The following TRMT11 variants were observed in gnomAD, a reference collection of about 807,000 sequenced individuals.
The protein encoded by TRMT11 is tRNA (guanine(10)-N(2))-methyltransferase TRMT11.
A neutral mutation model predicts 62.8 loss-of-function variants in TRMT11; 53 were observed. The observed-to-expected ratio is 0.84, with a 90% CI of 0.68 to 1.06. The LOEUF (loss-of-function observed/expected upper bound fraction) is 1.06, where lower values mean the gene tolerates loss of function less well. Among genes scored for constraint, TRMT11 ranks in the 50% least tolerant of loss-of-function variants. The probability of loss-of-function intolerance (pLI) is 0.00; values close to 1 mark genes in which losing one functional copy is unlikely to be tolerated. For missense variants in TRMT11, 556 were observed against 553.4 expected, an observed-to-expected ratio of 1.00 and a Z score of -0.05; for synonymous variants, 188 against 190.3, an observed-to-expected ratio of 0.99 and a Z score of 0.10.
At chr6:126,156,433 A>T (rs1778122886) in intron 21 of TRMT11, among the ~76,000 whole-genome samples, 1 of 152,226 alleles carries the variant, frequency 6.6e-6, no homozygotes, top group South Asian at 2.1e-4. Flanking sequence ...ATCCTCTGGA[A>T]TATAGGTGGG....
chr6:126,261,897 G>A, the TRMT11 span, among the ~76,000 whole-genome samples: 1 of 152,186 alleles, frequency 6.6e-6, no homozygotes, highest in Non-Finnish European at 1.5e-5. Flanking sequence ...AGACTGAGCT[G>A]AGCCATGTGT....
intron 1 of TRMT11, among the ~76,000 whole-genome samples, chr6:126,178,516 T>G (rs576859103): frequency 6.6e-6 from 1 of 152,344 alleles, no homozygotes; most frequent in South Asian, 2.1e-4. Flanking sequence ...ACTATATTCT[T>G]CTTCATACAA....
At chr6:126,140,930 A>C (rs185033492) in intron 21 of TRMT11, among the ~76,000 whole-genome samples, 199 of 152,198 alleles carry the variant, frequency 1.3e-3, no homozygotes, top group Non-Finnish European at 4.9e-4. Flanking sequence ...AAATGCTTCG[A>C]ATTTTCTTAA....
intron 16 of TRMT11, among the ~76,000 whole-genome samples, chr6:126,050,510 G>A (rs138897840): frequency 2.8e-4 from 43 of 152,108 alleles, no homozygotes; most frequent in East Asian, 1.6e-3. Context: ...CGAGACCAGC[G>A]TGGGCAACAT....
chr6:126,121,725 G>T (rs536476070), intron 21 of TRMT11, among the ~76,000 whole-genome samples: 1 of 152,204 alleles, frequency 6.6e-6, no homozygotes, highest in African/African-American at 2.4e-5. Context: ...TGAGGACAGA[G>T]AATCCATCAT....
intron 12 of TRMT11, among the ~76,000 whole-genome samples, chr6:126,027,275 T>TA (rs975671949): frequency 2.6e-5 from 4 of 152,282 alleles, no homozygotes; most frequent in African/African-American, 7.2e-5. Flanking sequence ...GTATAATAGT[T>TA]ACGTTTTCAA....
At chr6:126,198,065 T>C (rs1778687709) in intron 1 of TRMT11, among the ~76,000 whole-genome samples, 1 of 152,208 alleles carries the variant, frequency 6.6e-6, no homozygotes, top group African/African-American at 2.4e-5. Flanking sequence ...TAAAGTAGAA[T>C]GGACTCGGTG....
intron 1 of TRMT11, among the ~76,000 whole-genome samples, chr6:126,195,654 C>T (rs903371522): frequency 6.6e-6 from 1 of 152,130 alleles, no homozygotes; most frequent in Non-Finnish European, 1.5e-5. Context: ...TTACCCCTTC[C>T]CATAGTCATG....
chr6:126,038,603 A>T, intron 12 of TRMT11, 102 bp from the exon 13 acceptor site: 1 of 936,624 alleles, frequency 1.1e-6, no homozygotes, highest in Non-Finnish European at 1.6e-6. Context: ...TATGCACTAG[A>T]GAGTGAGATT....
chr6:126,082,206 G>A (rs546591442), intron 17 of TRMT11, among the ~76,000 whole-genome samples: 2 of 152,118 alleles, frequency 1.3e-5, no homozygotes, highest in South Asian at 4.2e-4. Flanking sequence ...CACCGAAAGT[G>A]GACAGCTCCA....
intron 17 of TRMT11, among the ~76,000 whole-genome samples, chr6:126,083,571 A>T (rs1457763201): frequency 6.6e-6 from 1 of 152,120 alleles, no homozygotes. Context: ...TATTATAGTG[A>T]AGCAAATTAG....
chr6:126,089,808 A>G (rs1181594605), intron 17 of TRMT11, among the ~76,000 whole-genome samples: 2 of 152,272 alleles, frequency 1.3e-5, no homozygotes, highest in Non-Finnish European at 2.9e-5. Flanking sequence ...ATGATCTTGT[A>G]AAATTTCACA....
chr6:126,064,764 A>G (rs1472784741), intron 17 of TRMT11, among the ~76,000 whole-genome samples: 2 of 152,262 alleles, frequency 1.3e-5, no homozygotes, highest in African/African-American at 4.8e-5. Flanking sequence ...CTTAGGCTGC[A>G]GATTTATCCT....
At chr6:126,222,090 T>C in the TRMT11 span, among the ~76,000 whole-genome samples, 1 of 152,216 alleles carries the variant, frequency 6.6e-6, no homozygotes, top group African/African-American at 2.4e-5. Flanking sequence ...TTGCTTGTTT[T>C]TGTCAACTTT....
intron 9 of TRMT11, 74 bp downstream of exon 9, chr6:126,011,491 T>A: frequency 8.5e-6 from 11 of 1,296,622 alleles, no homozygotes; most frequent in Non-Finnish European, 1.2e-5. Context: ...GTACAAAATT[T>A]ACCAACACAT....
At chr6:126,013,237 A>C in intron 11 of TRMT11, 136 bp downstream of exon 11, 1 of 792,850 alleles carries the variant, frequency 1.3e-6, no homozygotes, top group Non-Finnish European at 1.9e-6. Context: ...TTGCCTTCAA[A>C]TGTGTATAAA....
At chr6:126,080,930 A>G (rs537307395) in intron 17 of TRMT11, among the ~76,000 whole-genome samples, 1 of 152,334 alleles carries the variant, frequency 6.6e-6, no homozygotes, top group East Asian at 1.9e-4. Context: ...TATGGTAAGA[A>G]GGATAAAGTG....
chr6:126,008,646 T>G, intron 8 of TRMT11, 174 bp downstream of exon 8: 1 of 709,990 alleles, frequency 1.4e-6, no homozygotes, highest in Non-Finnish European at 2.6e-6. Context: ...CCACTTCCTC[T>G]TCCTCCTCAG....
intron 21 of TRMT11, among the ~76,000 whole-genome samples, chr6:126,157,424 A>C (rs779468894): frequency 1.5e-4 from 23 of 152,186 alleles, no homozygotes; most frequent in Non-Finnish European, 2.5e-4. Context: ...CTAAACCAAA[A>C]GCCTTTGCAT....
Sources: allele counts gnomAD v4.1 joint callset (sites outside exome capture counted in the v4.1 genomes callset), GRCh38; gene constraint gnomAD v4.1.1; transcripts MANE v1.5; gene names NCBI Gene and HGNC (gene_info 2026-07-23, HGNC 2026-07-21).